Variants in COL11A1 observed in about 807,000 individuals in gnomAD.
The protein encoded by COL11A1 is collagen type XI alpha 1 chain.
Under a neutral mutation model 265.2 loss-of-function variants are expected in COL11A1, and 74 were observed. The ratio of observed to expected loss-of-function variants is 0.28; its 90% confidence interval spans 0.23 to 0.34. The LOEUF (loss-of-function observed/expected upper bound fraction) is 0.34. Among genes scored for constraint, COL11A1 ranks in the 10% least tolerant of loss-of-function variants. COL11A1 has a pLI of 1.00. For synonymous variants in COL11A1, 816 were observed against 727.6 expected (o/e 1.12, Z -1.96); for missense variants, 2,165 against 2,263.6 (o/e 0.96, Z 0.88).
intron 1 of COL11A1, among the ~76,000 whole-genome samples, chr1:103,092,490 A>G (rs1323168468): frequency 6.6e-6 from 1 of 152,146 alleles, no homozygotes; most frequent in East Asian, 1.9e-4. Flanking sequence ...ACATGGCACC[A>G]TTACACATGG....
At chr1:103,010,702 A>C (rs1666037912) in intron 14 of COL11A1, among the ~76,000 whole-genome samples, 1 of 150,518 alleles carries the variant, frequency 6.6e-6, no homozygotes, top group South Asian at 2.1e-4. Flanking sequence ...GATATTTGTA[A>C]ATTTTTTTTT....
intron 4 of COL11A1, among the ~76,000 whole-genome samples, chr1:103,050,158 A>G (rs1229443835): frequency 3.3e-5 from 5 of 152,132 alleles, no homozygotes. Context: ...GCCTTGCTAG[A>G]TTGGGGAAGT....
intron 41 of COL11A1, among the ~76,000 whole-genome samples, chr1:102,951,425 T>C (rs754982207): frequency 2.5e-4 from 38 of 152,048 alleles, no homozygotes; most frequent in South Asian, 4.2e-4. Context: ...ACGCCGGGAG[T>C]GGTGGCTCAC....
chr1:103,051,097 G>A (rs146633593), intron 4 of COL11A1, among the ~76,000 whole-genome samples: 6,570 of 152,234 alleles, frequency 0.043, 506 homozygotes, highest in African/African-American at 0.15. Context: ...CTCAAGCTGC[G>A]TGCTGGGTGA....
chr1:103,020,939 T>C (rs1386627705), intron 9 of COL11A1, among the ~76,000 whole-genome samples: 1 of 141,376 alleles, frequency 7.1e-6, no homozygotes, highest in Non-Finnish European at 1.6e-5. Context: ...GTTCTGTCAA[T>C]GGAACAGAAC....
At chr1:102,885,597 G>A (rs979451804) in intron 63 of COL11A1, among the ~76,000 whole-genome samples, 5 of 151,702 alleles carry the variant, frequency 3.3e-5, no homozygotes, top group Non-Finnish European at 5.9e-5. Flanking sequence ...ATATAATCAT[G>A]TCTGAAACAA....
At chr1:103,070,095 A>T (rs2102254996) in intron 4 of COL11A1, among the ~76,000 whole-genome samples, 1 of 151,804 alleles carries the variant, frequency 6.6e-6, no homozygotes, top group South Asian at 2.1e-4. Flanking sequence ...GTAGACATGA[A>T]TGTTTATAGT....
chr1:103,105,009 T>G (rs546516553), intron 1 of COL11A1, among the ~76,000 whole-genome samples: 1 of 152,302 alleles, frequency 6.6e-6, no homozygotes, highest in South Asian at 2.1e-4. Flanking sequence ...ATCAGCCTTT[T>G]ACAAGATACA....
At chr1:103,101,645 C>G (rs1674280688) in intron 1 of COL11A1, among the ~76,000 whole-genome samples, 7 of 151,578 alleles carry the variant, frequency 4.6e-5, no homozygotes, top group Admixed American at 4.6e-4. Flanking sequence ...TCTGTGCACT[C>G]AAGTTCTATG....
intron 4 of COL11A1, among the ~76,000 whole-genome samples, chr1:103,062,393 C>A (rs1365666616): frequency 6.6e-6 from 1 of 151,814 alleles, no homozygotes; most frequent in African/African-American, 2.4e-5. Flanking sequence ...TACTACAGAC[C>A]AATATCTCTC....
Position 102,898,663 on chromosome 1 carries a change from C to T in COL11A1, c.4248+3G>A. 6.2e-7 allele frequency: 1 copy of T among 1,610,086 alleles called. No individual in the cohort carries two copies. ...ATGGCATCTTTTTAACACAGATGCT[C>T]ACCACAGGACCAGGGATGCCCCGAA... On this transcript the variant is annotated splice_donor_region_variant and intron_variant, in intron 56 of 66. Transcript: ENST00000370096.
At chr1:102,879,608 G>A (rs1427761093) in intron 66 of COL11A1, 75 bp downstream of exon 66, 1 of 1,307,202 alleles carries the variant, frequency 7.6e-7, no homozygotes, top group Non-Finnish European at 1.1e-6. Context: ...AGAAAAATCT[G>A]GCTAAGGACC....
chr1:102,933,404 G>GGGGGTCA (rs1237102564), intron 46 of COL11A1, among the ~76,000 whole-genome samples: 1 of 149,046 alleles, frequency 6.7e-6, no homozygotes, highest in Non-Finnish European at 1.5e-5. Flanking sequence ...TAGGCTGCTC[G>GGGGGTCA]GGGGTCAGGG....
At chr1:103,061,930 T>C (rs147694303) in intron 4 of COL11A1, among the ~76,000 whole-genome samples, 742 of 152,022 alleles carry the variant, frequency 4.9e-3, no homozygotes, top group Non-Finnish European at 7.3e-3. Context: ...GTTAATAAAA[T>C]TTATAAGCCT....
chr1:102,889,597 AC>A (rs771911176), intron 58 of COL11A1, 35 bp from the exon 59 acceptor site: 65 of 1,411,536 alleles, frequency 4.6e-5, no homozygotes, highest in Non-Finnish European at 6.4e-5. Flanking sequence ...AATAACATGT[AC>A]ATTACTATCT....
intron 47 of COL11A1, among the ~76,000 whole-genome samples, chr1:102,922,507 C>T (rs532336605): frequency 6.6e-6 from 1 of 152,336 alleles, no homozygotes; most frequent in African/African-American, 2.4e-5. Context: ...CGCCATTCTT[C>T]TGTCTCAGCC....
chr1:103,037,142 T>TTATATA (rs34909682), intron 4 of COL11A1, among the ~76,000 whole-genome samples: 3 of 148,372 alleles, frequency 2.0e-5, no homozygotes, highest in African/African-American at 7.4e-5. Context: ...ATATATAATT[T>TTATATA]TATATATATA....
At chr1:103,065,350 C>T (rs1392836692) in intron 4 of COL11A1, among the ~76,000 whole-genome samples, 1 of 151,760 alleles carries the variant, frequency 6.6e-6, no homozygotes. Context: ...GAAACCCCGT[C>T]TCTACTAAAA....
At position 102,927,081 on chromosome 1, in the gene COL11A1, G is replaced by A. The variant is rs540687877; in HGVS notation, c.3601-3692C>T. 8.8e-4 allele frequency among the ~76,000 whole-genome samples: 134 copies of A among 152,036 alleles called. 1 individual carries two copies. In the Middle Eastern group the frequency reaches 0.01, roughly 12 times the overall value. ...ATATTGTGTTCATGATGCAATTTGT[G>A]TAATTATGCACATAAGATATTTAAT... On this transcript the variant is annotated intron_variant, in intron 46 of 66. Coordinates refer to ENST00000370096, the MANE Select transcript of COL11A1 (RefSeq NM_001854.4).
Sources: gnomAD v4.1 joint callset for allele counts (sites outside exome capture counted in the v4.1 genomes callset) on GRCh38, gnomAD v4.1.1 for gene constraint, MANE v1.5 for transcripts, NCBI Gene and HGNC (gene_info 2026-07-23, HGNC 2026-07-21) for gene names.